Variants in RBBP4 observed in about 807,000 individuals in gnomAD.
RBBP4 encodes the protein RB binding protein 4, chromatin remodeling factor, also known as histone-binding protein RBBP4.
RBBP4 carries 3 observed loss-of-function variants against 57.2 expected under a neutral mutation model. The ratio of observed to expected loss-of-function variants is 0.05; its 90% CI spans 0.02 to 0.14. The LOEUF is 0.14. RBBP4 is among the 10% of genes least tolerant of loss of function. RBBP4 has a pLI of 1.00. For synonymous variants in RBBP4, 151 were observed against 171.5 expected, an observed-to-expected ratio of 0.88 and a Z score of 0.93; for missense variants, 107 against 520.6, an observed-to-expected ratio of 0.21 and a Z score of 7.73.
rs1170743191 is a variant in RBBP4 at position 32,685,711 on chromosome 1, T to A, written c.*6006T>A. 2 of 152,184 alleles carry A rather than the reference T, an allele frequency of 1.3e-5. No homozygotes were observed. Among genetic ancestry groups the A allele is most frequent in the Admixed American group, 1.3e-4 (2 of 15,270 alleles). 9.4% of individuals were successfully genotyped at this position (152,184 alleles called of 1,614,324 possible). A position where few individuals can be genotyped will look rare whatever the true frequency, so the allele number is the denominator to read the frequency against. On this transcript the variant is annotated 3_prime_UTR_variant, in exon 12 of 12. Coordinates refer to ENST00000373493, the MANE Select transcript of RBBP4 (RefSeq NM_005610.3). The stretch of plus-strand genomic sequence containing the variant: ...TACTGCTGTCCTGATTGCTCAGTCC[T>A]CACTACCTACCAGACCCGTTGGTAA...
At chr1:32,665,944 T>A (rs1338535176) in intron 3 of RBBP4, among the ~76,000 whole-genome samples, 1 of 152,176 alleles carries the variant, frequency 6.6e-6, no homozygotes, top group African/African-American at 2.4e-5. Context: ...TATATATTGC[T>A]TTGCCAAGAT....
Position 32,651,341 on chromosome 1 carries a change from AC to A in RBBP4, c.16+22del, listed in dbSNP as rs1256449816. On this transcript the variant is annotated intron_variant, in intron 1 of 11. Transcript: ENST00000373493. ...AAGGAAGGTGAGGGTGCCGGGGCCG[AC>A]CCAGGAGGGCAGTGGGTGCCTGGGC... 1 of 1,448,346 alleles carries A rather than the reference AC, an allele frequency of 6.9e-7. No homozygotes were observed. Among genetic ancestry groups the A allele is most frequent in the African/African-American group, 1.5e-5 (1 of 66,782 alleles). The allele number at this position is 1,448,346 out of a possible 1,614,324, so 89.7% of individuals were successfully genotyped here.
intron 3 of RBBP4, among the ~76,000 whole-genome samples, chr1:32,666,445 G>A (rs112970488): frequency 3.3e-5 from 5 of 151,166 alleles, no homozygotes; most frequent in Non-Finnish European, 2.9e-5. Flanking sequence ...TGCAACCTCC[G>A]CCTCCCAGGT....
In RBBP4 at chr1:32,668,828, CACTT is replaced by C. The variant is rs775649340; in HGVS notation, c.580_583del (p.Leu194ValfsTer23). ...TTCTTGGAACCCAAATCTCAGTGGG[CACTT>C]ACTTAGTGCTTCAGATGACCATGTG... On this transcript the variant is annotated frameshift_variant, in exon 5 of 12. Transcript: ENST00000373493. LOFTEE classifies it high-confidence loss of function. The C allele has an allele frequency of 6.2e-7, 1 of 1,614,140 alleles. No individual in the cohort carries two copies. Among genetic ancestry groups the C allele is most frequent in the Non-Finnish European group, 8.5e-7 (1 of 1,180,000 alleles).
chr1:32,655,379 T>C (rs1648092945), intron 2 of RBBP4, among the ~76,000 whole-genome samples: 1 of 149,544 alleles, frequency 6.7e-6, no homozygotes, highest in Non-Finnish European at 1.5e-5. Context: ...CAGATCCGTT[T>C]CCCCCCTTTA....
In RBBP4 at chr1:32,684,772, A is replaced by G. The variant is rs1259356866; in HGVS notation, c.*5067A>G. The G allele has an allele frequency of 6.3e-6, 1 of 159,816 alleles. No homozygotes were observed. The highest frequency in any genetic ancestry group is 1.4e-5 in the Non-Finnish European group (1 of 72,436). The allele number at this position is 159,816 out of a possible 1,614,324, so 9.9% of individuals were successfully genotyped here. A position where few individuals can be genotyped will look rare whatever the true frequency, so the allele number is the denominator to read the frequency against. On this transcript the variant is annotated 3_prime_UTR_variant, in exon 12 of 12. Coordinates refer to ENST00000373493, the MANE Select transcript of RBBP4 (RefSeq NM_005610.3). Reference sequence around the variant, plus strand: ...GATAATTGGTAGTTTTTAATAATATAAAATACTTAAGTTGAAATACAAAAG... The same window carrying G: ...GATAATTGGTAGTTTTTAATAATATGAAATACTTAAGTTGAAATACAAAAG...
chr1:32,660,133 A>ATTTCC (rs1277007522), intron 3 of RBBP4, among the ~76,000 whole-genome samples: 2 of 152,128 alleles, frequency 1.3e-5, no homozygotes, highest in Non-Finnish European at 2.9e-5. Context: ...TTTTGCCCGT[A>ATTTCC]TTTCCTTTTG....
rs775899082 is a variant in RBBP4, at chr1:32,684,245, A to G, written c.*4540A>G. 21 of 1,614,200 alleles carry G rather than the reference A, an allele frequency of 1.3e-5. No individual in the cohort carries two copies. In the South Asian group the frequency reaches 2.3e-4, roughly 18 times the overall value. On this transcript the variant is annotated 3_prime_UTR_variant, in exon 12 of 12. Transcript: ENST00000373493. ...CAGTATTAGATGAGATTTGTATAGC[A>G]GCAGAAACTGACTTATAAGTAGAGA...
intron 3 of RBBP4, among the ~76,000 whole-genome samples, chr1:32,664,929 T>TA (rs1272648300): frequency 2.6e-5 from 4 of 152,122 alleles, no homozygotes; most frequent in Non-Finnish European, 5.9e-5. Context: ...GCATTATGTC[T>TA]AAAAAACAAT....
intron 11 of RBBP4, among the ~76,000 whole-genome samples, chr1:32,678,526 C>T (rs565433935): frequency 2.3e-4 from 35 of 150,024 alleles, no homozygotes; most frequent in Non-Finnish European, 4.7e-4. Flanking sequence ...CACACCTGGC[C>T]TGGACACCTT....
intron 1 of RBBP4, chr1:32,651,562 G>T: frequency 9.1e-7 from 1 of 1,104,108 alleles, no homozygotes; most frequent in Non-Finnish European, 1.2e-6. Context: ...TTCTCTTCCT[G>T]CCTCCGATAT....
intron 3 of RBBP4, among the ~76,000 whole-genome samples, chr1:32,660,972 G>A (rs1435235012): frequency 6.6e-6 from 1 of 152,044 alleles, no homozygotes. Flanking sequence ...ACCATGCCCA[G>A]CTGATTTCCA....
In RBBP4 at chr1:32,683,920, A is replaced by G; in HGVS notation, c.*4215A>G. 7.5e-7 allele frequency: 1 copy of G among 1,340,106 alleles called. No individual in the cohort carries two copies. The highest frequency in any genetic ancestry group is 1.1e-6 in the Non-Finnish European group (1 of 947,472). 83.0% of individuals were successfully genotyped at this position (1,340,106 alleles called of 1,614,324 possible). On this transcript the variant is annotated 3_prime_UTR_variant, in exon 12 of 12. Coordinates refer to ENST00000373493, the MANE Select transcript of RBBP4 (RefSeq NM_005610.3). ...AGTGCTAGGATTACAGGCGTGAGCC[A>G]CCCCGTCCGGCCTGTTTTTAAGGCA... is the stretch of plus-strand genomic sequence containing the variant.
At chr1:32,652,363 G>A (rs1428923463) in intron 2 of RBBP4, 2 of 251,932 alleles carry the variant, frequency 7.9e-6, no homozygotes, top group African/African-American at 4.5e-5. Context: ...CTTTCAAAAA[G>A]TATTATGGCC....
intron 3 of RBBP4, among the ~76,000 whole-genome samples, chr1:32,665,500 AAACCCCGTCTCTAC>A (rs1383310035): frequency 1.3e-5 from 2 of 152,050 alleles, no homozygotes; most frequent in African/African-American, 4.8e-5. Flanking sequence ...CAACATGATG[AAACCCCGTCTCTAC>A]TAAAAATGCA....
At chr1:32,666,640 A>G (rs1648660528) in intron 3 of RBBP4, among the ~76,000 whole-genome samples, 1 of 152,212 alleles carries the variant, frequency 6.6e-6, no homozygotes, top group Non-Finnish European at 1.5e-5. Context: ...TACAGGCGTG[A>G]GCCACTGCGC....
chr1:32,673,145 C>T (rs897864351), intron 11 of RBBP4, among the ~76,000 whole-genome samples: 1 of 152,096 alleles, frequency 6.6e-6, no homozygotes, highest in African/African-American at 2.4e-5. Flanking sequence ...TTTTCCCTCT[C>T]CTCCTTCTTT....
Position 32,685,101 on chromosome 1 carries a change from C to G in RBBP4, c.*5396C>G, listed in dbSNP as rs977753655. The G allele has an allele frequency of 6.6e-6, 1 of 152,236 alleles. No homozygotes were observed. Among genetic ancestry groups the G allele is most frequent in the Non-Finnish European group, 1.5e-5 (1 of 68,074 alleles). 9.4% of individuals were successfully genotyped at this position (152,236 alleles called of 1,614,324 possible). A position where few individuals can be genotyped will look rare whatever the true frequency, so the allele number is the denominator to read the frequency against. On this transcript the variant is annotated 3_prime_UTR_variant, in exon 12 of 12. Coordinates refer to ENST00000373493, the MANE Select transcript of RBBP4 (RefSeq NM_005610.3). ...CTGGGCTCAAGCAGTCCTCCCGCCT[C>G]GGTCTCCCAAAGTGCTGGGATTACA...
At chr1:32,666,022 A>G (rs180951488) in intron 3 of RBBP4, among the ~76,000 whole-genome samples, 10 of 152,348 alleles carry the variant, frequency 6.6e-5, no homozygotes, top group African/African-American at 1.9e-4. Flanking sequence ...CTAAGTGCAC[A>G]TAGTAGTCAT....
Sources: allele counts gnomAD v4.1 joint callset (sites outside exome capture counted in the v4.1 genomes callset), GRCh38; gene constraint gnomAD v4.1.1; transcripts MANE v1.5; gene names NCBI Gene and HGNC (gene_info 2026-07-23, HGNC 2026-07-21).